CMIP: variants seen among roughly 807,000 people sequenced by gnomAD.
CMIP encodes c-Maf inducing protein.
Under a neutral mutation model 97.3 loss-of-function variants are expected in CMIP, and 13 were observed. The ratio of observed to expected loss-of-function variants is 0.13; its 90% CI spans 0.09 to 0.21. The LOEUF (loss-of-function observed/expected upper bound fraction) is 0.21. Ranked by LOEUF, CMIP falls within the 10% of genes least tolerant of loss-of-function variation. The pLI, the probability that CMIP is intolerant of heterozygous loss-of-function variation, is 1.00. For synonymous variants in CMIP, 538 were observed against 436.3 expected, an observed-to-expected ratio of 1.23 and a Z score of -2.91; for missense variants, 847 against 1,024.9, an observed-to-expected ratio of 0.83 and a Z score of 2.37.
intron 1 of CMIP, among the ~76,000 whole-genome samples, chr16:81,587,669 G>T (rs1178958871): frequency 1.3e-5 from 2 of 152,206 alleles, no homozygotes; most frequent in East Asian, 3.8e-4. Flanking sequence ...AGCCGTCTCT[G>T]CTCCATCTTC....
At chr16:81,587,504 A>G (rs2091401885) in intron 1 of CMIP, among the ~76,000 whole-genome samples, 2 of 152,174 alleles carry the variant, frequency 1.3e-5, no homozygotes, top group Admixed American at 6.5e-5. Flanking sequence ...GCTGCTGCAC[A>G]GATTGCGCAG....
At chr16:81,464,361 C>T (rs1227730587) in intron 1 of CMIP, 6 of 152,222 alleles carry the variant, frequency 3.9e-5, no homozygotes, top group African/African-American at 1.4e-4. Context: ...CTTGATTTCA[C>T]AGTTGGCGAA....
chr16:81,615,358 G>T (rs1217878952), intron 2 of CMIP, among the ~76,000 whole-genome samples: 1 of 148,194 alleles, frequency 6.7e-6, no homozygotes, highest in African/African-American at 2.5e-5. Flanking sequence ...TGTGGTATGT[G>T]TGCATGTGTA....
At chr16:81,589,541 AC>A (rs2091434983) in intron 1 of CMIP, among the ~76,000 whole-genome samples, 2 of 147,074 alleles carry the variant, frequency 1.4e-5, no homozygotes, top group South Asian at 4.3e-4. Context: ...CAGGTCTCGC[AC>A]CCCATGGCAG....
chr16:81,506,975 G>A (rs184062922), intron 1 of CMIP, among the ~76,000 whole-genome samples: 218 of 151,886 alleles, frequency 1.4e-3, no homozygotes, highest in African/African-American at 2.8e-3. Context: ...ATCATCGGCC[G>A]GGCACAGTGG....
At chr16:81,525,138 T>A (rs1267327387) in intron 1 of CMIP, among the ~76,000 whole-genome samples, 1 of 151,374 alleles carries the variant, frequency 6.6e-6, no homozygotes, top group African/African-American at 2.4e-5. Context: ...TTTTTATTTT[T>A]ATTTTATTTG....
At chr16:81,484,685 G>A (rs1372513016) in intron 1 of CMIP, among the ~76,000 whole-genome samples, 1 of 152,152 alleles carries the variant, frequency 6.6e-6, no homozygotes, top group African/African-American at 2.4e-5. Flanking sequence ...TCCTGTAGAC[G>A]CTAAGCGATG....
At chr16:81,545,253 C>A (rs940125325) in intron 1 of CMIP, among the ~76,000 whole-genome samples, 4 of 152,170 alleles carry the variant, frequency 2.6e-5, no homozygotes, top group African/African-American at 9.7e-5. Flanking sequence ...TGATTTAATG[C>A]ATTCGTTATC....
intron 3 of CMIP, among the ~76,000 whole-genome samples, chr16:81,637,544 G>C (rs2092252048): frequency 6.6e-6 from 1 of 152,222 alleles, no homozygotes; most frequent in African/African-American, 2.4e-5. Context: ...GGTTCAGAGA[G>C]GTGATGTAGT....
At chr16:81,461,192 G>T (rs1000602563) in intron 1 of CMIP, among the ~76,000 whole-genome samples, 3 of 152,230 alleles carry the variant, frequency 2.0e-5, no homozygotes, top group African/African-American at 7.2e-5. Flanking sequence ...CTCCCATGTG[G>T]CAGGGCTGTG....
chr16:81,629,327 A>C (rs2150971583), intron 3 of CMIP, among the ~76,000 whole-genome samples: 1 of 151,712 alleles, frequency 6.6e-6, no homozygotes, highest in Non-Finnish European at 1.5e-5. Flanking sequence ...CATCTTCCCC[A>C]AACACACTGG....
chr16:81,701,072 C>A (rs987170863), intron 15 of CMIP, among the ~76,000 whole-genome samples: 3 of 151,736 alleles, frequency 2.0e-5, no homozygotes, highest in African/African-American at 7.3e-5. Context: ...ATCACTTGAG[C>A]CCAGGAGGTT....
rs191859416 is a variant in CMIP at position 81,670,301 on chromosome 16, C to G, written c.929+56C>G. The G allele has an allele frequency of 4.6e-6, 7 of 1,532,808 alleles. No homozygotes were observed. In the African/African-American group the frequency reaches 5.5e-5, roughly 12 times the overall value. 95.0% of individuals were successfully genotyped at this position (1,532,808 alleles called of 1,614,324 possible). On this transcript the variant is annotated intron_variant, in intron 8 of 20. Coordinates refer to ENST00000537098, the MANE Select transcript of CMIP (RefSeq NM_198390.3). ...CCTAGGAGCCACTTTCCTCTCGGAT[C>G]CTGTTTACTCAGATATCCACGGGGG...
chr16:81,463,908 A>C (rs1292479315), intron 1 of CMIP: 2 of 152,240 alleles, frequency 1.3e-5, no homozygotes. Flanking sequence ...AGGAAAAATG[A>C]AGTAGGTGTT....
intron 14 of CMIP, chr16:81,696,914 A>G: frequency 1.8e-6 from 1 of 563,906 alleles, no homozygotes; most frequent in African/African-American, 1.9e-5. Flanking sequence ...CTCACAGCAC[A>G]GTGAGAAGAC....
At chr16:81,447,432 C>T (rs2150725437) in intron 1 of CMIP, among the ~76,000 whole-genome samples, 1 of 152,154 alleles carries the variant, frequency 6.6e-6, no homozygotes, top group African/African-American at 2.4e-5. Flanking sequence ...GCTAATGCCT[C>T]CCCACTTACC....
chr16:81,701,895 A>C, intron 16 of CMIP, 95 bp downstream of exon 16: 1 of 1,469,594 alleles, frequency 6.8e-7, no homozygotes, highest in Non-Finnish European at 9.4e-7. Flanking sequence ...ACCTGAGTGG[A>C]CCTCAATCTC....
At chr16:81,530,840 G>T (rs1382768049) in intron 1 of CMIP, among the ~76,000 whole-genome samples, 1 of 152,280 alleles carries the variant, frequency 6.6e-6, no homozygotes, top group African/African-American at 2.4e-5. Flanking sequence ...GATCAGTTCA[G>T]CTTCTTCTGC....
At chr16:81,701,537 C>G in intron 15 of CMIP, 123 bp from the exon 16 acceptor site, 1 of 1,366,002 alleles carries the variant, frequency 7.3e-7, no homozygotes, top group Non-Finnish European at 1.0e-6. Flanking sequence ...CTTACACAGC[C>G]GGGGCTGCAG....
Sources: gnomAD v4.1 joint callset for allele counts (sites outside exome capture counted in the v4.1 genomes callset) on GRCh38, gnomAD v4.1.1 for gene constraint, MANE v1.5 for transcripts, NCBI Gene and HGNC (gene_info 2026-07-23, HGNC 2026-07-21) for gene names.